The following SLC6A20 variants were observed in gnomAD, a reference collection of about 807,000 sequenced individuals.
SLC6A20 encodes sodium- and chloride-dependent transporter XTRP3.
SLC6A20 carries 73 observed loss-of-function variants against 64.3 expected under a neutral mutation model. The observed-to-expected ratio is 1.14, with a 90% CI of 0.94 to 1.38. SLC6A20 has a LOEUF of 1.38. SLC6A20 is among the 40% of genes most tolerant of loss of function. The probability of loss-of-function intolerance (pLI) is 0.00; values close to 1 mark genes in which losing one functional copy is unlikely to be tolerated. For missense variants in SLC6A20, 725 were observed against 772.8 expected (o/e 0.94, Z 0.73); for synonymous variants, 347 against 329.6 (o/e 1.05, Z -0.57).
At chr3:45,795,168 T>C (rs1309621203) in intron 1 of SLC6A20, among the ~76,000 whole-genome samples, 7 of 152,134 alleles carry the variant, frequency 4.6e-5, no homozygotes, top group African/African-American at 1.7e-4. Context: ...CACGACAAGG[T>C]AAACAAAAAT....
intron 5 of SLC6A20, chr3:45,771,969 G>C (rs1233467381): frequency 5.7e-6 from 1 of 176,174 alleles, no homozygotes; most frequent in African/African-American, 2.4e-5. Context: ...CTGGAATGGG[G>C]AAGGGGAAGG....
chr3:45,774,564 G>C lies in SLC6A20; in HGVS notation c.582+1197C>G, dbSNP rs142442543. On this transcript the variant is annotated intron_variant, in intron 4 of 10. Coordinates refer to ENST00000358525, the MANE Select transcript of SLC6A20 (RefSeq NM_020208.4). ...TTGGGGGCTAAGAGGCTGGTCATCA[G>C]GGGCTCTTAGAAACCAAAATAAAAT... 5.3e-3 allele frequency among the ~76,000 whole-genome samples: 802 copies of C among 152,276 alleles called. 10 individuals carry two copies. Among genetic ancestry groups the C allele is most frequent in the Non-Finnish European group, 4.4e-3 (298 of 68,024 alleles).
chr3:45,772,468 AG>A, intron 5 of SLC6A20, 36 bp downstream of exon 5: 1 of 1,565,342 alleles, frequency 6.4e-7, no homozygotes, highest in Non-Finnish European at 8.7e-7. Context: ...AGGATAAGTG[AG>A]GGGTGCCCGT....
In SLC6A20 at chr3:45,785,940, G is replaced by T. The variant is rs556780604; in HGVS notation, c.122-3717C>A. Among the ~76,000 whole-genome samples, 7 of 152,218 alleles carry T rather than the reference G, an allele frequency of 4.6e-5. No homozygotes were observed. The South Asian group carries it at 1.2e-3, about 27-fold the overall frequency. ...CAGCCATGTACAGATACCAGACCAG[G>T]CTCCAGAGGATGAGAGGCCACGAGG... On this transcript the variant is annotated intron_variant, in intron 1 of 10. Coordinates refer to ENST00000358525, the MANE Select transcript of SLC6A20 (RefSeq NM_020208.4).
At chr3:45,772,083 G>A (rs1421089365) in intron 5 of SLC6A20, 5 of 189,020 alleles carry the variant, frequency 2.6e-5, no homozygotes, top group Non-Finnish European at 5.4e-5. Context: ...CTGGGTGTGG[G>A]GTGCATGGAG....
intron 1 of SLC6A20, 48 bp downstream of exon 1, chr3:45,796,251 G>C: frequency 6.4e-7 from 1 of 1,562,492 alleles, no homozygotes; most frequent in Non-Finnish European, 8.7e-7. Flanking sequence ...ACACACGGCG[G>C]GGACGCGCAC....
chr3:45,761,635 C>T (rs1699683928), intron 9 of SLC6A20, among the ~76,000 whole-genome samples: 1 of 152,176 alleles, frequency 6.6e-6, no homozygotes, highest in South Asian at 2.1e-4. Context: ...CCCCTCAATC[C>T]TGGGGAAACA....
rs1699842754 is a variant in SLC6A20 at position 45,770,441 on chromosome 3, C to T, written c.936-70G>A. 9 of 1,571,854 alleles carry T rather than the reference C, an allele frequency of 5.7e-6. No individual in the cohort carries two copies. The South Asian group carries it at 8.1e-5, about 14-fold the overall frequency. On this transcript the variant is annotated intron_variant, in intron 6 of 10. Coordinates refer to ENST00000358525, the MANE Select transcript of SLC6A20 (RefSeq NM_020208.4). ...AGCTGTCACCAAAGCCTCCCGTCAG[C>T]CTCTTCTTTTCTGATTAGGTGAGGA... is the stretch of plus-strand genomic sequence containing the variant.
intron 7 of SLC6A20, among the ~76,000 whole-genome samples, chr3:45,766,490 TAG>T (rs1290409200): frequency 6.6e-6 from 1 of 152,216 alleles, no homozygotes; most frequent in Admixed American, 6.5e-5. Context: ...AAATCAGATT[TAG>T]AACATCCCTC....
chr3:45,759,001 C>T lies in SLC6A20; in HGVS notation c.1756G>A (p.Gly586Arg), dbSNP rs1038050306. ...GTFVQRRLKRGDADPVA is the reference protein window; with the variant it reads ...GTFVQRRLKRRDADPVA ...TCTCAGGCCACGGGGTCTGCGTCTC[C>T]CCTCTTGAGGCGACGCTGAACAAAA... Residue 586 changes from glycine (G) to arginine (R), a missense_variant, in exon 11 of 11, where the codon GGA becomes AGA. By Grantham distance (125) the Gly-to-Arg change is moderately radical. Transcript: ENST00000358525. The T allele has an allele frequency of 6.2e-7, 1 of 1,608,756 alleles. No homozygotes were observed. Among genetic ancestry groups the T allele is most frequent in the Non-Finnish European group, 8.5e-7 (1 of 1,177,702 alleles).
intron 4 of SLC6A20, among the ~76,000 whole-genome samples, chr3:45,773,433 G>A (rs921521144): frequency 5.3e-5 from 8 of 152,160 alleles, no homozygotes; most frequent in Non-Finnish European, 5.9e-5. Flanking sequence ...GGTGTTCATG[G>A]TAGCTTTAGT....
chr3:45,780,049 A>G lies in SLC6A20; in HGVS notation c.314T>C (p.Ile105Thr). 6.2e-7 allele frequency: 1 copy of G among 1,605,512 alleles called. No homozygotes were observed. ...GAGGTACCAGAAGGCCCAGGCGTTGATGACGTTGTAGTACATGGAGAGGAA... is the reference window on the plus strand; with the variant it reads ...GAGGTACCAGAAGGCCCAGGCGTTGGTGACGTTGTAGTACATGGAGAGGAA... ...SFFLSMYYNV[I>T]NAWAFWYLFH... Residue 105 changes from isoleucine to threonine, a missense_variant, in exon 3 of 11, where the codon ATC becomes ACC. Coordinates refer to ENST00000358525, the MANE Select transcript of SLC6A20 (RefSeq NM_020208.4).
chr3:45,792,259 C>T (rs1401700719), intron 1 of SLC6A20, among the ~76,000 whole-genome samples: 1 of 152,174 alleles, frequency 6.6e-6, no homozygotes. Context: ...CTGAGGAGTC[C>T]TGTCCTGCCT....
At chr3:45,777,212 A>G (rs968978470) in intron 3 of SLC6A20, among the ~76,000 whole-genome samples, 3 of 152,188 alleles carry the variant, frequency 2.0e-5, no homozygotes, top group African/African-American at 7.2e-5. Flanking sequence ...GGCCCGGGGT[A>G]TCACCTAATG....
chr3:45,791,858 C>T (rs1481014299), intron 1 of SLC6A20: 2 of 152,244 alleles, frequency 1.3e-5, no homozygotes, highest in Non-Finnish European at 2.9e-5. Flanking sequence ...TCACCTCCCA[C>T]CAGACCCCAC....
chr3:45,794,338 C>T (rs570161041), intron 1 of SLC6A20, among the ~76,000 whole-genome samples: 1 of 152,288 alleles, frequency 6.6e-6, no homozygotes. Flanking sequence ...CAAGTGCCTA[C>T]GGTGCCAAGT....
At chr3:45,776,743 A>ACCAC (rs1016681881) in intron 3 of SLC6A20, among the ~76,000 whole-genome samples, 1 of 152,170 alleles carries the variant, frequency 6.6e-6, no homozygotes, top group Non-Finnish European at 1.5e-5. Flanking sequence ...ATCAGCAAAG[A>ACCAC]CCACCCAAGT....
rs1699547036 is a variant in SLC6A20 at position 45,756,574 on chromosome 3, T to C, written c.*2404A>G. The C allele has an allele frequency of 6.6e-6, 1 of 152,160 alleles. No individual in the cohort carries two copies. Among genetic ancestry groups the C allele is most frequent in the Non-Finnish European group, 1.5e-5 (1 of 68,030 alleles). The allele number at this position is 152,160 out of a possible 1,614,324, so 9.4% of individuals were successfully genotyped here. ...AGACCTTTCTAAAGCCTATTTTTGC[T>C]GTAAGAGAATTTTACAGCACAAAAA... On this transcript the variant is annotated 3_prime_UTR_variant, in exon 11 of 11. Coordinates refer to ENST00000358525, the MANE Select transcript of SLC6A20 (RefSeq NM_020208.4).
intron 2 of SLC6A20, among the ~76,000 whole-genome samples, chr3:45,780,849 A>G (rs1235538930): frequency 6.6e-6 from 1 of 152,110 alleles, no homozygotes; most frequent in African/African-American, 2.4e-5. Context: ...GCTATAAACC[A>G]GGGCTTCCCC....
Sources: gnomAD v4.1 joint callset for allele counts (sites outside exome capture counted in the v4.1 genomes callset) on GRCh38, gnomAD v4.1.1 for gene constraint, MANE v1.5 for transcripts, NCBI Gene and HGNC (gene_info 2026-07-23, HGNC 2026-07-21) for gene names.